ADGRL3: variants seen among roughly 807,000 people sequenced by gnomAD.
ADGRL3 encodes adhesion G protein-coupled receptor L3.
Under a neutral mutation model 153.5 loss-of-function variants are expected in ADGRL3, and 62 were observed. The ratio of observed to expected loss-of-function variants is 0.40; its 90% confidence interval spans 0.33 to 0.50. The LOEUF is 0.50. ADGRL3 is among the 20% of genes least tolerant of loss of function. The pLI is 0.47. For synonymous variants in ADGRL3, 710 were observed against 672.5 expected, an observed-to-expected ratio of 1.06 and a Z score of -0.86; for missense variants, 1,641 against 1,859.4, an observed-to-expected ratio of 0.88 and a Z score of 2.16.
At chr4:61,844,056 A>G (rs556048884) in intron 9 of ADGRL3, among the ~76,000 whole-genome samples, 88 of 151,506 alleles carry the variant, frequency 5.8e-4, no homozygotes, top group Non-Finnish European at 1.0e-3. Flanking sequence ...GACTATATCA[A>G]CGTCACATTC....
intron 4 of ADGRL3, among the ~76,000 whole-genome samples, chr4:61,570,553 C>G (rs1291897530): frequency 2.0e-5 from 3 of 152,106 alleles, no homozygotes; most frequent in Non-Finnish European, 4.4e-5. Context: ...ATATCAATGC[C>G]TCATCTCTGA....
chr4:61,619,679 A>G (rs1263406395), intron 5 of ADGRL3, among the ~76,000 whole-genome samples: 1 of 152,200 alleles, frequency 6.6e-6, no homozygotes. Flanking sequence ...ATTGAAACTC[A>G]TAAGGTGGCT....
chr4:61,316,673 G>A (rs1179040620), intron 1 of ADGRL3, among the ~76,000 whole-genome samples: 1 of 152,148 alleles, frequency 6.6e-6, no homozygotes, highest in African/African-American at 2.4e-5. Flanking sequence ...AGTTTTCCAG[G>A]TGATAGATAA....
intron 2 of ADGRL3, among the ~76,000 whole-genome samples, chr4:61,459,767 T>G (rs773634086): frequency 6.6e-6 from 1 of 152,132 alleles, no homozygotes; most frequent in Non-Finnish European, 1.5e-5. Flanking sequence ...GCTATCTCAC[T>G]GTGGTTTTGT....
At chr4:61,767,663 T>A (rs1022594737) in intron 8 of ADGRL3, among the ~76,000 whole-genome samples, 1 of 152,054 alleles carries the variant, frequency 6.6e-6, no homozygotes, top group African/African-American at 2.4e-5. Context: ...CAATTTTCAG[T>A]GGGGTCCCAC....
intron 5 of ADGRL3, among the ~76,000 whole-genome samples, chr4:61,605,068 C>A (rs1300843385): frequency 1.8e-5 from 2 of 108,296 alleles, no homozygotes; most frequent in Admixed American, 1.5e-4. Flanking sequence ...TCAGCCTAGG[C>A]GACAGAGTGA....
intron 13 of ADGRL3, among the ~76,000 whole-genome samples, chr4:61,921,906 A>C (rs938558048): frequency 1.3e-5 from 2 of 152,196 alleles, no homozygotes; most frequent in Admixed American, 6.6e-5. Flanking sequence ...ATGTGTAGAC[A>C]GGATCACAAG....
chr4:61,945,915 A>T (rs570083053), intron 15 of ADGRL3, among the ~76,000 whole-genome samples: 1 of 152,204 alleles, frequency 6.6e-6, no homozygotes, highest in African/African-American at 2.4e-5. Context: ...TCACGCTGGG[A>T]GCTGTAGACT....
chr4:61,290,198 T>C (rs1182875494), intron 1 of ADGRL3, among the ~76,000 whole-genome samples: 3 of 152,108 alleles, frequency 2.0e-5, no homozygotes, highest in Non-Finnish European at 4.4e-5. Context: ...TAGTACCACA[T>C]TTTGAACCTA....
chr4:61,649,444 C>T (rs2094166566), intron 5 of ADGRL3, among the ~76,000 whole-genome samples: 1 of 152,068 alleles, frequency 6.6e-6, no homozygotes, highest in Non-Finnish European at 1.5e-5. Context: ...TTCAGTCCTC[C>T]ATAGATTTGT....
At chr4:61,824,954 T>C (rs1426021286) in intron 9 of ADGRL3, among the ~76,000 whole-genome samples, 1 of 152,190 alleles carries the variant, frequency 6.6e-6, no homozygotes, top group Non-Finnish European at 1.5e-5. Context: ...TCAGCCTACA[T>C]AGTACCACTT....
chr4:62,025,199 A>G (rs1717773497), intron 21 of ADGRL3, among the ~76,000 whole-genome samples: 3 of 152,020 alleles, frequency 2.0e-5, no homozygotes, highest in Admixed American at 2.0e-4. Context: ...TCCTTAAACC[A>G]CTGGGTAGCA....
chr4:61,909,529 C>T (rs1390539473), intron 11 of ADGRL3, 31 bp from the exon 12 acceptor site: 1 of 1,506,228 alleles, frequency 6.6e-7, no homozygotes, highest in Middle Eastern at 1.7e-4. Context: ...TGTGAGATCT[C>T]TTTCCTTTGT....
At chr4:61,311,850 G>C (rs1477618804) in intron 1 of ADGRL3, among the ~76,000 whole-genome samples, 1 of 152,058 alleles carries the variant, frequency 6.6e-6, no homozygotes, top group East Asian at 1.9e-4. Flanking sequence ...ATATATATTT[G>C]TACACAACCA....
intron 1 of ADGRL3, among the ~76,000 whole-genome samples, chr4:61,257,630 A>G (rs181202638): frequency 3.4e-4 from 52 of 152,320 alleles, no homozygotes; most frequent in East Asian, 1.9e-3. Context: ...ACAAAGATAA[A>G]TATTAAAATT....
chr4:61,292,842 G>T (rs937186111), intron 1 of ADGRL3, among the ~76,000 whole-genome samples: 1 of 152,110 alleles, frequency 6.6e-6, no homozygotes, highest in African/African-American at 2.4e-5. Context: ...CCACTGGGAA[G>T]GCAAATAGAA....
chr4:61,307,074 A>G (rs996001728), intron 1 of ADGRL3, among the ~76,000 whole-genome samples: 2 of 152,188 alleles, frequency 1.3e-5, no homozygotes, highest in African/African-American at 4.8e-5. Context: ...GTGAGTTTCA[A>G]TGCATCATGT....
At chr4:61,912,824 C>T (rs2098727952) in intron 13 of ADGRL3, 67 bp downstream of exon 13, 2 of 1,374,830 alleles carry the variant, frequency 1.5e-6, no homozygotes, top group Non-Finnish European at 2.1e-6. Context: ...CATGAATGGA[C>T]ACCTGATAGA....
intron 1 of ADGRL3, among the ~76,000 whole-genome samples, chr4:61,261,056 A>T (rs2092469407): frequency 6.6e-6 from 1 of 152,158 alleles, no homozygotes; most frequent in African/African-American, 2.4e-5. Flanking sequence ...TAAGAGAAAA[A>T]TATCCGTTTA....
Sources: gnomAD v4.1 joint callset for allele counts (sites outside exome capture counted in the v4.1 genomes callset) on GRCh38, gnomAD v4.1.1 for gene constraint, MANE v1.5 for transcripts, NCBI Gene and HGNC (gene_info 2026-07-23, HGNC 2026-07-21) for gene names.